Variants in TMTC1 observed in about 807,000 individuals in gnomAD.
TMTC1 encodes the protein protein O-mannosyl-transferase TMTC1.
A neutral mutation model predicts 104.8 loss-of-function variants in TMTC1; 73 were observed. The ratio of observed to expected loss-of-function variants is 0.70; its 90% CI spans 0.58 to 0.85. The LOEUF (loss-of-function observed/expected upper bound fraction) is 0.85, where lower values mean the gene tolerates loss of function less well. Among genes scored for constraint, TMTC1 ranks in the 40% least tolerant of loss-of-function variants. The pLI, the probability that TMTC1 is intolerant of heterozygous loss-of-function variation, is 0.00. For missense variants in TMTC1, 1,035 were observed against 1,096.1 expected, an observed-to-expected ratio of 0.94 and a Z score of 0.79; for synonymous variants, 434 against 428.7, an observed-to-expected ratio of 1.01 and a Z score of -0.15.
intron 5 of TMTC1, among the ~76,000 whole-genome samples, chr12:29,741,769 T>C (rs1028985909): frequency 1.3e-5 from 2 of 152,218 alleles, no homozygotes; most frequent in Non-Finnish European, 2.9e-5. Context: ...TCTGTTCTCT[T>C]AGTCATCAAC....
In TMTC1 at chr12:29,633,258, C is replaced by A. The variant is rs759414052; in HGVS notation, c.1017G>T (p.Gln339His). ...TCTCTACCAGAGGAATACTGCCGAC[C>A]TGCCAGTCATAGCACAGGGTCACGG... ...LAPVTLCYDW[Q>H]VGSIPLVETI... The change falls in exon 6 of 18, where the codon CAG becomes CAT. Residue 339 changes from glutamine to histidine, a missense_variant. Transcript: ENST00000539277. 6.2e-7 allele frequency: 1 copy of A among 1,613,890 alleles called. No homozygotes were observed. The highest frequency in any genetic ancestry group is 2.2e-5 in the East Asian group (1 of 44,880).
At position 29,783,359 on chromosome 12, in the gene TMTC1, C is replaced by T. The variant is rs1182327991; in HGVS notation, c.302+91G>A. The T allele has an allele frequency of 1.7e-6, 2 of 1,153,664 alleles. No homozygotes were observed. The highest frequency in any genetic ancestry group is 1.6e-5 in the African/African-American group (1 of 62,250). 71.5% of individuals were successfully genotyped at this position (1,153,664 alleles called of 1,614,324 possible). A position where few individuals can be genotyped will look rare whatever the true frequency, so the allele number is the denominator to read the frequency against. On this transcript the variant is annotated intron_variant, in intron 1 of 17. Coordinates refer to ENST00000539277, the MANE Select transcript of TMTC1 (RefSeq NM_001193451.2). The surrounding 1 kb of genome is among the most constrained non-coding windows in gnomAD (Gnocchi z 4.7). ...GGGAAAGGGCGGCAAAAATGAAATG[C>T]CCCCAAGTCAGTCCCGCAACTTCTC...
At chr12:29,604,092 T>TAC in intron 7 of TMTC1, 86 bp downstream of exon 7, 2 of 1,565,250 alleles carry the variant, frequency 1.3e-6, no homozygotes, top group Non-Finnish European at 8.8e-7. Context: ...TCTAATGGTC[T>TAC]ACACACAGAA....
intron 5 of TMTC1, among the ~76,000 whole-genome samples, chr12:29,713,864 G>A (rs939758644): frequency 2.6e-5 from 4 of 152,148 alleles, no homozygotes; most frequent in African/African-American, 9.7e-5. Flanking sequence ...CCACCGTGTA[G>A]AGAGGTGAGG....
In TMTC1 at chr12:29,767,892, A is replaced by C; in HGVS notation, c.480+6T>G. The C allele has an allele frequency of 6.2e-7, 1 of 1,613,344 alleles. No homozygotes were observed. The highest frequency in any genetic ancestry group is 8.5e-7 in the Non-Finnish European group (1 of 1,179,622). On this transcript the variant is annotated splice_donor_region_variant and intron_variant, in intron 2 of 17. Transcript: ENST00000539277. Reference sequence around the variant, plus strand: ...CGTTATTTCACTGAGATCCAATTACACTTACCGCCTCAGTATGAATAGGAT... The same window carrying C: ...CGTTATTTCACTGAGATCCAATTACCCTTACCGCCTCAGTATGAATAGGAT...
chr12:29,664,298 GA>G (rs1170868461), intron 5 of TMTC1, among the ~76,000 whole-genome samples: 2 of 150,706 alleles, frequency 1.3e-5, no homozygotes, highest in African/African-American at 2.4e-5. Context: ...AGCAGTGGAC[GA>G]AAAAAAAAGA....
At position 29,524,094 on chromosome 12, in the gene TMTC1, G is replaced by C. The variant is rs541060086; in HGVS notation, c.1786-3374C>G. 5.2e-4 allele frequency among the ~76,000 whole-genome samples: 79 copies of C among 151,990 alleles called. 1 individual carries two copies. The highest frequency in any genetic ancestry group is 5.0e-3 in the Admixed American group (76 of 15,262). Reference sequence around the variant, plus strand: ...TGTCTTTATGAGAACACTCTTTTTTGAGTTTTTGTCATCTCAATTAAAGAG... The same window carrying C: ...TGTCTTTATGAGAACACTCTTTTTTCAGTTTTTGTCATCTCAATTAAAGAG... On this transcript the variant is annotated intron_variant, in intron 11 of 17. Transcript: ENST00000539277.
chr12:29,698,713 C>G (rs1013043383), intron 5 of TMTC1, among the ~76,000 whole-genome samples: 9 of 152,182 alleles, frequency 5.9e-5, no homozygotes, highest in Admixed American at 3.9e-4. Context: ...TTAATCATGA[C>G]TATATAATCA....
At position 29,666,355 on chromosome 12, in the gene TMTC1, G is replaced by A. The variant is rs915443563; in HGVS notation, c.939-33019C>T. 1.0e-4 allele frequency: 36 copies of A among 351,434 alleles called. No homozygotes were observed. The East Asian group carries it at 1.8e-3, about 17-fold the overall frequency. 21.8% of individuals were successfully genotyped at this position (351,434 alleles called of 1,614,324 possible). On this transcript the variant is annotated intron_variant, in intron 5 of 17. Coordinates refer to ENST00000539277, the MANE Select transcript of TMTC1 (RefSeq NM_001193451.2). ...CCATTTTCCTGCCTCAGCCTCCTGA[G>A]TAGCTGGGACTACCACCATGCCTGG...
At chr12:29,768,552 T>C (rs888201417) in intron 1 of TMTC1, among the ~76,000 whole-genome samples, 1 of 152,144 alleles carries the variant, frequency 6.6e-6, no homozygotes, top group Non-Finnish European at 1.5e-5. Context: ...GAATGTGTTC[T>C]CTCACCCATG....
intron 9 of TMTC1, among the ~76,000 whole-genome samples, chr12:29,558,765 C>T (rs1945308964): frequency 6.6e-6 from 1 of 152,168 alleles, no homozygotes; most frequent in Non-Finnish European, 1.5e-5. Context: ...CTGATACTGG[C>T]CCCATTACAT....
chr12:29,701,933 G>C (rs139864390), intron 5 of TMTC1, among the ~76,000 whole-genome samples: 1 of 152,100 alleles, frequency 6.6e-6, no homozygotes, highest in Non-Finnish European at 1.5e-5. Context: ...TCTCTAACTT[G>C]GTTAAGCTAC....
At chr12:29,669,457 C>A (rs1020435640) in intron 5 of TMTC1, among the ~76,000 whole-genome samples, 1 of 152,018 alleles carries the variant, frequency 6.6e-6, no homozygotes, top group African/African-American at 2.4e-5. Flanking sequence ...GGTAGAGTGC[C>A]CACTCTGAAG....
At chr12:29,617,502 C>T (rs1386959152) in intron 6 of TMTC1, among the ~76,000 whole-genome samples, 2 of 150,136 alleles carry the variant, frequency 1.3e-5, no homozygotes, top group East Asian at 3.9e-4. Context: ...CTAGTCTAGG[C>T]TCTTGGGAAA....
intron 17 of TMTC1, among the ~76,000 whole-genome samples, chr12:29,508,460 T>A (rs1943748301): frequency 6.6e-6 from 1 of 152,194 alleles, no homozygotes; most frequent in Non-Finnish European, 1.5e-5. Context: ...TCCAGGAGGC[T>A]CCCTGAATGT....
chr12:29,663,479 C>A (rs1450248433), intron 5 of TMTC1, among the ~76,000 whole-genome samples: 1 of 152,048 alleles, frequency 6.6e-6, no homozygotes. Flanking sequence ...TTCTATAGAA[C>A]AACAAACCAC....
At chr12:29,720,162 C>T (rs117819206) in intron 5 of TMTC1, among the ~76,000 whole-genome samples, 3,911 of 152,274 alleles carry the variant, frequency 0.026, 54 homozygotes, top group Non-Finnish European at 0.037. Flanking sequence ...ATTCATGTGT[C>T]GTGCTAGGAA....
At chr12:29,674,734 T>C (rs1216122363) in intron 5 of TMTC1, among the ~76,000 whole-genome samples, 1 of 152,168 alleles carries the variant, frequency 6.6e-6, no homozygotes, top group Non-Finnish European at 1.5e-5. Context: ...TGGCTTTACC[T>C]GCCGTAAAGA....
chr12:29,556,721 A>T (rs1399856641), intron 10 of TMTC1, 136 bp downstream of exon 10: 35 of 1,019,630 alleles, frequency 3.4e-5, no homozygotes, highest in Non-Finnish European at 5.0e-5. Context: ...TGCATGTTAC[A>T]CCCTCCCAAA....
Sources: allele counts gnomAD v4.1 joint callset (sites outside exome capture counted in the v4.1 genomes callset), GRCh38; gene constraint gnomAD v4.1.1; non-coding constraint Gnocchi (gnomAD v3.1); transcripts MANE v1.5; gene names NCBI Gene and HGNC (gene_info 2026-07-23, HGNC 2026-07-21).